ZNF280C: variants seen among roughly 807,000 people sequenced by gnomAD.
ZNF280C encodes zinc finger protein 280C.
A neutral mutation model predicts 53.6 loss-of-function variants in ZNF280C; 14 were observed. The observed-to-expected ratio is 0.26, with a 90% CI of 0.17 to 0.41. The LOEUF (loss-of-function observed/expected upper bound fraction) is 0.41. Among genes scored for constraint, ZNF280C ranks in the 10% least tolerant of loss-of-function variants. ZNF280C has a pLI of 1.00. For missense variants in ZNF280C, 416 were observed against 547.1 expected (o/e 0.76, Z 2.39); for synonymous variants, 203 against 181.1 (o/e 1.12, Z -0.97).
intron 15 of ZNF280C, among the ~76,000 whole-genome samples, chrX:130,213,955 G>A (rs759445400): frequency 9.0e-6 from 1 of 111,621 alleles, no homozygotes; most frequent in South Asian, 3.8e-4. Flanking sequence ...AACTTTTATT[G>A]GTTATACCTA....
intron 2 of ZNF280C, 64 bp from the exon 3 acceptor site, chrX:130,247,069 C>A: frequency 9.8e-7 from 1 of 1,017,421 alleles, no homozygotes; most frequent in Non-Finnish European, 1.3e-6. Context: ...CTGTGCAATA[C>A]ATAGTATGAT....
chrX:130,221,695 A>AT (rs2032165643), intron 12 of ZNF280C, among the ~76,000 whole-genome samples: 1 of 111,537 alleles, frequency 9.0e-6, no homozygotes, highest in East Asian at 2.8e-4. Flanking sequence ...TTAAAAAAAA[A>AT]TTTATAATCT....
chrX:130,231,327 G>A (rs2052624069), intron 8 of ZNF280C, among the ~76,000 whole-genome samples: 1 of 111,586 alleles, frequency 9.0e-6, no homozygotes. Context: ...CATCAACAGT[G>A]GACTGGATAA....
In ZNF280C at chrX:130,203,422, C is replaced by T. The variant is rs918990017; in HGVS notation, c.*1555G>A. The T allele has an allele frequency of 9.0e-5, 10 of 111,616 alleles. No homozygotes were observed. The highest frequency in any genetic ancestry group is 2.9e-4 in the African/African-American group (9 of 30,687). 9.2% of individuals were successfully genotyped at this position (111,616 alleles called of 1,213,427 possible). On this transcript the variant is annotated 3_prime_UTR_variant, in exon 19 of 19. Coordinates refer to ENST00000370978, the MANE Select transcript of ZNF280C (RefSeq NM_017666.5). Reference sequence around the variant, plus strand: ...CTGTAATCCCAGCACTTTGGGAGGACGAGGCGGACTGATCACGACGTCAGG... The same window carrying T: ...CTGTAATCCCAGCACTTTGGGAGGATGAGGCGGACTGATCACGACGTCAGG...
In ZNF280C at chrX:130,264,021, T is replaced by C. The variant is rs1388512979; in HGVS notation, c.-16-3556A>G. Among the ~76,000 whole-genome samples, 5 of 55,669 alleles carry C rather than the reference T, an allele frequency of 9.0e-5. No homozygotes were observed. The Admixed American group carries it at 1.4e-3, about 16-fold the overall frequency. The allele number at this position is 55,669 out of a possible 115,157, so 48.3% of individuals were successfully genotyped here. A position where few individuals can be genotyped will look rare whatever the true frequency, so the allele number is the denominator to read the frequency against. On this transcript the variant is annotated intron_variant, in intron 1 of 18. Transcript: ENST00000370978. ...GCCTGGGAGACAGAGTGAGACACCA[T>C]CTCAAAAAAAAAAAAAAAAAGAAAA...
At chrX:130,215,090 G>A in intron 15 of ZNF280C, 103 bp downstream of exon 15, 1 of 905,175 alleles carries the variant, frequency 1.1e-6, no homozygotes, top group Non-Finnish European at 1.6e-6. Flanking sequence ...GACCCTTTTA[G>A]TTCCTTGATG....
rs2031932239 is a variant in ZNF280C, at chrX:130,203,166, T to C, written c.*1811A>G. ...TAGCTACACGAAATCTGTAGACAAT[T>C]CTAAGAAATGTCTTGGAGTTTGTAA... On this transcript the variant is annotated 3_prime_UTR_variant, in exon 19 of 19. Transcript: ENST00000370978. 1 of 111,064 alleles carries C rather than the reference T, an allele frequency of 9.0e-6. No homozygotes were observed. Among genetic ancestry groups the C allele is most frequent in the Non-Finnish European group, 1.9e-5 (1 of 53,028 alleles). 9.2% of individuals were successfully genotyped at this position (111,064 alleles called of 1,213,427 possible).
chrX:130,236,711 C>T (rs765798041), intron 6 of ZNF280C, 72 bp from the exon 7 acceptor site: 1 of 751,538 alleles, frequency 1.3e-6, no homozygotes, highest in Non-Finnish European at 1.8e-6. Flanking sequence ...TGTAAAACTG[C>T]TACCAAAATG....
intron 2 of ZNF280C, among the ~76,000 whole-genome samples, chrX:130,258,604 T>C (rs372255228): frequency 8.9e-6 from 1 of 112,373 alleles, no homozygotes; most frequent in African/African-American, 3.2e-5. Flanking sequence ...TGACCCTTTT[T>C]TCCAAATACC....
intron 2 of ZNF280C, among the ~76,000 whole-genome samples, chrX:130,257,999 TC>T (rs1387512774): frequency 1.8e-5 from 2 of 111,418 alleles, no homozygotes; most frequent in Admixed American, 1.9e-4. Context: ...ACACCTGCAA[TC>T]CCAGCTACTT....
intron 15 of ZNF280C, among the ~76,000 whole-genome samples, chrX:130,213,139 G>A (rs966566921): frequency 1.0e-4 from 11 of 110,371 alleles, no homozygotes; most frequent in Non-Finnish European, 1.3e-4. Context: ...GGATCATGAG[G>A]TCAGGAGATC....
At chrX:130,243,380 T>G (rs1448138319) in intron 5 of ZNF280C, among the ~76,000 whole-genome samples, 183 bp downstream of exon 5, 1 of 111,359 alleles carries the variant, frequency 9.0e-6, no homozygotes, top group Non-Finnish European at 1.9e-5. Context: ...GATGTGGTCT[T>G]GCCATGTTGG....
At chrX:130,260,563 A>C in intron 1 of ZNF280C, 98 bp from the exon 2 acceptor site, 1 of 585,274 alleles carries the variant, frequency 1.7e-6, no homozygotes, top group Non-Finnish European at 2.6e-6. Context: ...CTTTGGGTCT[A>C]ATTTTGATCT....
chrX:130,235,902 G>C (rs878997015), intron 8 of ZNF280C, among the ~76,000 whole-genome samples: 4 of 111,785 alleles, frequency 3.6e-5, no homozygotes, highest in African/African-American at 1.3e-4. Context: ...ACCTCTATGA[G>C]ATCAACTTTT....
intron 12 of ZNF280C, among the ~76,000 whole-genome samples, chrX:130,220,953 T>A (rs980785537): frequency 2.7e-5 from 3 of 110,781 alleles, no homozygotes; most frequent in African/African-American, 9.8e-5. Context: ...ATATTTATTA[T>A]AAATTTAGAA....
In ZNF280C at chrX:130,213,451, C is replaced by G. The variant is rs1038551370; in HGVS notation, c.1979+1742G>C. On this transcript the variant is annotated intron_variant, in intron 15 of 18. Coordinates refer to ENST00000370978, the MANE Select transcript of ZNF280C (RefSeq NM_017666.5). Reference sequence around the variant, plus strand: ...CAAATTAAAGATCATGAATTCAGAGCTGATTGAATCAAGCATGGTGTGGTA... The same window carrying G: ...CAAATTAAAGATCATGAATTCAGAGGTGATTGAATCAAGCATGGTGTGGTA... Among the ~76,000 whole-genome samples the G allele has an allele frequency of 7.1e-5, 8 of 111,974 alleles. No individual in the cohort carries two copies. In the Admixed American group the frequency reaches 7.6e-4, roughly 11 times the overall value.
intron 2 of ZNF280C, among the ~76,000 whole-genome samples, chrX:130,249,462 A>G (rs1165591842): frequency 8.9e-6 from 1 of 112,146 alleles, no homozygotes; most frequent in Non-Finnish European, 1.9e-5. Context: ...CCCCTAGCAC[A>G]GTGAGTTCCT....
rs887534124 is a variant in ZNF280C at position 130,261,485 on chromosome X, G to A, written c.-16-1020C>T. ...CTCCCTAATTCCAAATTATTTGGAC[G>A]GAATTAGAGCAAAGGGGAAAATATT... On this transcript the variant is annotated intron_variant, in intron 1 of 18. Transcript: ENST00000370978. Among the ~76,000 whole-genome samples the A allele has an allele frequency of 7.1e-5, 8 of 112,029 alleles. No homozygotes were observed. In the East Asian group the frequency reaches 1.1e-3, roughly 16 times the overall value.
chrX:130,223,640 T>C (rs1050913707), intron 12 of ZNF280C, among the ~76,000 whole-genome samples: 2 of 112,354 alleles, frequency 1.8e-5, no homozygotes, highest in Non-Finnish European at 3.8e-5. Context: ...GTGATTATTA[T>C]ATGTTAACTG....
Sources: allele counts gnomAD v4.1 joint callset (sites outside exome capture counted in the v4.1 genomes callset), GRCh38; gene constraint gnomAD v4.1.1; transcripts MANE v1.5; gene names NCBI Gene and HGNC (gene_info 2026-07-23, HGNC 2026-07-21).